The following CRACD variants were observed in gnomAD, a reference collection of about 807,000 sequenced individuals.
CRACD encodes capping protein inhibiting regulator of actin dynamics.
Under a neutral mutation model 106.8 loss-of-function variants are expected in CRACD, and 56 were observed. The ratio of observed to expected loss-of-function variants is 0.52; its 90% CI spans 0.42 to 0.66. CRACD has a LOEUF of 0.66. Ranked by LOEUF, CRACD falls within the 30% of genes least tolerant of loss-of-function variation. CRACD has a pLI of 0.00. For missense variants in CRACD, 1,730 were observed against 1,623.2 expected, an observed-to-expected ratio of 1.07 and a Z score of -1.13; for synonymous variants, 754 against 670.8, an observed-to-expected ratio of 1.12 and a Z score of -1.92.
At chr4:56,188,661 C>CTA (rs60021580) in intron 2 of CRACD, among the ~76,000 whole-genome samples, 4 of 48,848 alleles carry the variant, frequency 8.2e-5, no homozygotes, top group African/African-American at 2.7e-4. Flanking sequence ...CTCTCTATTT[C>CTA]TCTCTCTCTC....
intron 2 of CRACD, among the ~76,000 whole-genome samples, chr4:56,195,567 A>G (rs1270267384): frequency 6.6e-6 from 1 of 152,224 alleles, no homozygotes; most frequent in African/African-American, 2.4e-5. Context: ...TTTTCTAAGG[A>G]AACAAAACTT....
chr4:56,107,903 C>G (rs1159534254), intron 1 of CRACD, among the ~76,000 whole-genome samples: 1 of 152,184 alleles, frequency 6.6e-6, no homozygotes, highest in Non-Finnish European at 1.5e-5. Flanking sequence ...TAGTTGCTTA[C>G]AACATTTTCA....
chr4:56,080,634 C>A (rs1324276673), intron 1 of CRACD, among the ~76,000 whole-genome samples: 1 of 152,182 alleles, frequency 6.6e-6, no homozygotes, highest in Non-Finnish European at 1.5e-5. Flanking sequence ...TTTTATGGAA[C>A]CTACTTTGAA....
intron 1 of CRACD, among the ~76,000 whole-genome samples, chr4:56,070,588 G>A (rs549128127): frequency 6.6e-6 from 1 of 152,062 alleles, no homozygotes; most frequent in Non-Finnish European, 1.5e-5. Flanking sequence ...TGCCCGGCCC[G>A]AGTCCTTGCC....
At position 56,198,609 on chromosome 4, in the gene CRACD, G is replaced by A. The variant is rs142495512; in HGVS notation, c.-189+19179G>A. 7.2e-3 allele frequency among the ~76,000 whole-genome samples: 1,102 copies of A among 152,254 alleles called. 13 individuals are homozygous for A. The highest frequency in any genetic ancestry group is 0.024 in the African/African-American group (1,004 of 41,534). ...ATGTATGAGAGTTTTATTATCTACT[G>A]TGTGCCAGGTACGATGCTCTGAGTT... On this transcript the variant is annotated intron_variant, in intron 2 of 10. Transcript: ENST00000682029.
chr4:56,200,753 A>G (rs1737845023), intron 2 of CRACD, among the ~76,000 whole-genome samples: 1 of 152,142 alleles, frequency 6.6e-6, no homozygotes, highest in South Asian at 2.1e-4. Context: ...AAGTGTAGAA[A>G]GTTCGCCTAA....
intron 1 of CRACD, among the ~76,000 whole-genome samples, chr4:56,090,618 C>T (rs1176412149): frequency 6.6e-6 from 1 of 152,136 alleles, no homozygotes. Flanking sequence ...TGGTCTTAAA[C>T]TCCTGAGCTC....
In CRACD at chr4:56,316,671, C is replaced by T. The variant is rs758670195; in HGVS notation, c.3169C>T (p.Pro1057Ser). ...ATQQEKPSQT[P>S]EAGRKEKPML... Reference sequence around the variant, plus strand: ...TCAGCAAGAGAAACCTTCTCAAACACCCGAGGCCGGGAGGAAAGGTAGGTA... The same window carrying T: ...TCAGCAAGAGAAACCTTCTCAAACATCCGAGGCCGGGAGGAAAGGTAGGTA... The change falls in exon 8 of 11, where the codon CCC (proline) becomes TCC (serine). Residue 1057 changes from proline (P) to serine (S), a missense_variant. Physicochemically the swap from Pro to Ser is moderately conservative, Grantham distance 74. Transcript: ENST00000682029. The T allele has an allele frequency of 8.1e-6, 13 of 1,609,132 alleles. 1 individual carries two copies. The South Asian group carries it at 1.2e-4, about 15-fold the overall frequency.
intron 5 of CRACD, among the ~76,000 whole-genome samples, chr4:56,307,973 T>C (rs1744856453): frequency 6.6e-6 from 1 of 152,230 alleles, no homozygotes; most frequent in South Asian, 2.1e-4. Context: ...AAGCCGTACC[T>C]GGCCTCACCC....
At chr4:56,065,764 A>G (rs926386143) in intron 1 of CRACD, among the ~76,000 whole-genome samples, 2 of 152,186 alleles carry the variant, frequency 1.3e-5, no homozygotes, top group Non-Finnish European at 2.9e-5. Flanking sequence ...TTATCTAACC[A>G]TCATCACTGT....
At chr4:56,300,212 G>T (rs560659293) in intron 4 of CRACD, among the ~76,000 whole-genome samples, 54 of 152,286 alleles carry the variant, frequency 3.5e-4, no homozygotes, top group Middle Eastern at 3.4e-3. Flanking sequence ...GATATTTTGT[G>T]GAAATTGTGT....
intron 1 of CRACD, among the ~76,000 whole-genome samples, chr4:56,109,502 G>A (rs961068000): frequency 1.3e-5 from 2 of 152,214 alleles, no homozygotes; most frequent in African/African-American, 4.8e-5. Context: ...GAGCAGAAAA[G>A]GGTTATTAGG....
At chr4:56,071,509 T>C (rs1410312048) in intron 1 of CRACD, among the ~76,000 whole-genome samples, 1 of 121,808 alleles carries the variant, frequency 8.2e-6, no homozygotes, top group African/African-American at 4.3e-5. Flanking sequence ...TTCTTTCTTT[T>C]CTTTTTTTTT....
intron 4 of CRACD, among the ~76,000 whole-genome samples, chr4:56,305,188 T>G (rs930305868): frequency 3.3e-5 from 5 of 152,180 alleles, no homozygotes; most frequent in Non-Finnish European, 5.9e-5. Flanking sequence ...GCCACTGCAC[T>G]CTAGCCTGTG....
chr4:56,061,920 A>C (rs1358791111), intron 1 of CRACD, among the ~76,000 whole-genome samples: 1 of 152,226 alleles, frequency 6.6e-6, no homozygotes, highest in Non-Finnish European at 1.5e-5. Context: ...TAGTTCTTAC[A>C]GTTTTGATTA....
intron 2 of CRACD, among the ~76,000 whole-genome samples, chr4:56,249,526 G>T (rs1449047435): frequency 6.6e-6 from 1 of 151,848 alleles, no homozygotes; most frequent in Non-Finnish European, 1.5e-5. Flanking sequence ...TTTGTAGGTT[G>T]CCTGTTCACT....
At chr4:56,192,855 A>G (rs1737439266) in intron 2 of CRACD, among the ~76,000 whole-genome samples, 1 of 152,194 alleles carries the variant, frequency 6.6e-6, no homozygotes, top group African/African-American at 2.4e-5. Context: ...ATGATACCTG[A>G]AATTAAATGG....
chr4:56,053,379 T>C (rs1731936677), intron 1 of CRACD, among the ~76,000 whole-genome samples: 1 of 152,194 alleles, frequency 6.6e-6, no homozygotes, highest in Non-Finnish European at 1.5e-5. Flanking sequence ...TTAATTTTAA[T>C]ATTTTGATAT....
At chr4:56,225,374 G>A (rs572266309) in intron 2 of CRACD, among the ~76,000 whole-genome samples, 69 of 152,256 alleles carry the variant, frequency 4.5e-4, no homozygotes, top group African/African-American at 1.5e-3. Context: ...GATTACAGGC[G>A]TGAGCCACCA....
Sources: allele counts gnomAD v4.1 joint callset (sites outside exome capture counted in the v4.1 genomes callset), GRCh38; gene constraint gnomAD v4.1.1; transcripts MANE v1.5; gene names NCBI Gene and HGNC (gene_info 2026-07-23, HGNC 2026-07-21).